ANKRD36: variants seen among roughly 807,000 people sequenced by gnomAD.
ANKRD36 encodes ankyrin repeat domain 36.
In ANKRD36, 179 loss-of-function variants were observed where a neutral mutation model predicts 278.1. That is an observed-to-expected ratio of 0.64 (90% CI 0.57 to 0.73). ANKRD36 has a LOEUF of 0.73. Among genes scored for constraint, ANKRD36 ranks in the 30% least tolerant of loss-of-function variants. The pLI is 0.00. For missense variants in ANKRD36, 1,159 were observed against 1,956.7 expected (o/e 0.59, Z 7.69); for synonymous variants, 320 against 641.1 (o/e 0.50, Z 7.57).
intron 16 of ANKRD36, 41 bp downstream of exon 16, chr2:97,158,208 T>C: frequency 7.2e-7 from 1 of 1,383,326 alleles, no homozygotes; most frequent in East Asian, 2.6e-5. Context: ...ATCTACTGAA[T>C]CTTTTTTTTT....
intron 20 of ANKRD36, among the ~76,000 whole-genome samples, chr2:97,165,100 T>G (rs1225918530): frequency 1.3e-5 from 2 of 152,206 alleles, no homozygotes; most frequent in African/African-American, 4.8e-5. Context: ...ACAGCCTGAA[T>G]TAACGTTTTT....
rs2034156198 is a variant in ANKRD36, at chr2:97,113,535, G to C, written c.-205G>C. On this transcript the variant is annotated 5_prime_UTR_variant, in exon 1 of 76. Transcript: ENST00000420699. The stretch of plus-strand genomic sequence containing the variant: ...TGCTAGGGCGGTTTCTCTGCCTCGG[G>C]CCTGTTGGGCAGGGCCGGCTAAGGT... The C allele has an allele frequency of 4.8e-6, 3 of 624,406 alleles. No homozygotes were observed. The highest frequency in any genetic ancestry group is 8.1e-6 in the Non-Finnish European group (3 of 368,592). 38.7% of individuals were successfully genotyped at this position (624,406 alleles called of 1,614,324 possible). A position where few individuals can be genotyped will look rare whatever the true frequency, so the allele number is the denominator to read the frequency against.
At chr2:97,150,541 C>T (rs374034388) in intron 12 of ANKRD36, among the ~76,000 whole-genome samples, 14 of 149,450 alleles carry the variant, frequency 9.4e-5, no homozygotes, top group East Asian at 4.0e-4. Context: ...CATGACATAT[C>T]TAATAATTAA....
intron 67 of ANKRD36, among the ~76,000 whole-genome samples, chr2:97,227,677 T>C (rs1384625769): frequency 4.6e-5 from 7 of 152,130 alleles, no homozygotes; most frequent in Non-Finnish European, 1.5e-5. Context: ...ATAGGAGTGG[T>C]GAGAGAGGGC....
chr2:97,144,820 G>A (rs553536822), intron 10 of ANKRD36, 108 bp downstream of exon 10: 88 of 1,384,516 alleles, frequency 6.4e-5, no homozygotes, highest in Admixed American at 2.2e-4. Flanking sequence ...CTGATTCAGC[G>A]GGCCTGAGAT....
At chr2:97,133,295 T>C (rs982046605) in intron 6 of ANKRD36, among the ~76,000 whole-genome samples, 1 of 152,016 alleles carries the variant, frequency 6.6e-6, no homozygotes, top group African/African-American at 2.4e-5. Context: ...CAGTTGCAAC[T>C]TAATATGAAA....
intron 20 of ANKRD36, among the ~76,000 whole-genome samples, chr2:97,165,273 C>T (rs1409082810): frequency 6.6e-6 from 1 of 151,978 alleles, no homozygotes; most frequent in Non-Finnish European, 1.5e-5. Flanking sequence ...GAATATATTT[C>T]AGATCTGTCC....
At chr2:97,151,060 T>G (rs2045833354) in intron 12 of ANKRD36, among the ~76,000 whole-genome samples, 2 of 152,086 alleles carry the variant, frequency 1.3e-5, no homozygotes, top group Non-Finnish European at 2.9e-5. Context: ...GCATATATTA[T>G]GAACACAAGC....
intron 22 of ANKRD36, among the ~76,000 whole-genome samples, chr2:97,172,648 A>G (rs1424259169): frequency 6.6e-6 from 1 of 152,118 alleles, no homozygotes; most frequent in Non-Finnish European, 1.5e-5. Flanking sequence ...GAAATGGCCA[A>G]TGGTCAAAGT....
chr2:97,157,216 T>A (rs1406670567), intron 15 of ANKRD36, among the ~76,000 whole-genome samples: 1 of 150,308 alleles, frequency 6.7e-6, no homozygotes, highest in Non-Finnish European at 1.5e-5. Flanking sequence ...ATGTGTTATT[T>A]TATAGTAAAC....
chr2:97,113,813 A>T lies in ANKRD36; in HGVS notation c.74A>T (p.Gln25Leu), dbSNP rs768782213. 3.1e-6 allele frequency: 5 copies of T among 1,613,002 alleles called. No individual in the cohort carries two copies. The highest frequency in any genetic ancestry group is 1.7e-6 in the Non-Finnish European group (2 of 1,179,994). Residue 25 changes from glutamine to leucine, a missense_variant, in exon 1 of 76, where the codon CAA becomes CTA. Gln to Leu is a moderately radical substitution (Grantham distance 113). Coordinates refer to ENST00000420699, the MANE Select transcript of ANKRD36 (RefSeq NM_001354587.1). ...TGCTCGGATGGCTTCGCATTTCCCC[A>T]ATACCCCATTAAACCGTATCATCTG... is the stretch of plus-strand genomic sequence containing the variant. ...RLCSDGFAFPQYPIKPYHLKR... is the reference protein window; with the variant it reads ...RLCSDGFAFPLYPIKPYHLKR...
At chr2:97,159,618 A>G (rs1208501196) in intron 17 of ANKRD36, among the ~76,000 whole-genome samples, 2 of 151,708 alleles carry the variant, frequency 1.3e-5, no homozygotes, top group Non-Finnish European at 2.9e-5. Flanking sequence ...TTTTAAAGTA[A>G]TATTTGGTAT....
chr2:97,207,754 A>G (rs2315146), intron 52 of ANKRD36, 57 bp from the exon 53 acceptor site: 20 of 1,542,248 alleles, frequency 1.3e-5, no homozygotes, highest in Middle Eastern at 2.3e-4. Context: ...GTATGAATGT[A>G]TGGATAATTT....
At chr2:97,143,453 G>A (rs2043431885) in intron 8 of ANKRD36, among the ~76,000 whole-genome samples, 1 of 152,248 alleles carries the variant, frequency 6.6e-6, no homozygotes, top group Admixed American at 6.5e-5. Context: ...AGGATAGATT[G>A]CTAGAATTGT....
intron 22 of ANKRD36, among the ~76,000 whole-genome samples, chr2:97,177,145 G>GTT (rs2054512009): frequency 1.3e-5 from 2 of 151,704 alleles, no homozygotes; most frequent in Admixed American, 1.3e-4. Context: ...TCTTCAAGGA[G>GTT]AACTACAAAC....
chr2:97,118,799 A>T, intron 3 of ANKRD36: 4 of 128,220 alleles, frequency 3.1e-5, no homozygotes, highest in Non-Finnish European at 4.3e-5. Context: ...GAAAGGTAAT[A>T]GTTAAGTGTT....
At position 97,179,000 on chromosome 2, in the gene ANKRD36, G is replaced by T. The variant is rs557576952; in HGVS notation, c.1634-738G>T. ...AGCTTATTCATATCTAATGCTTGTA[G>T]AAACTTTATTTTGTATAAGTATGTC... On this transcript the variant is annotated intron_variant, in intron 22 of 75. Coordinates refer to ENST00000420699, the MANE Select transcript of ANKRD36 (RefSeq NM_001354587.1). Among the ~76,000 whole-genome samples the T allele has an allele frequency of 2.0e-3, 298 of 151,638 alleles. 3 individuals are homozygous for T. Among genetic ancestry groups the T allele is most frequent in the Non-Finnish European group, 3.6e-3 (246 of 67,780 alleles).
At chr2:97,215,566 T>A (rs1391965226) in intron 62 of ANKRD36, 69 bp downstream of exon 62, 20 of 1,592,860 alleles carry the variant, frequency 1.3e-5, no homozygotes, top group African/African-American at 4.0e-5. Context: ...CCTAAATAAA[T>A]CAGCGGGGGG....
chr2:97,262,571 AAG>A (rs1182659597), intron 75 of ANKRD36, among the ~76,000 whole-genome samples: 1 of 130,320 alleles, frequency 7.7e-6, no homozygotes, highest in Non-Finnish European at 1.5e-5. Flanking sequence ...TAAAGACAAA[AAG>A]AGAGTGATAT....
Sources: gnomAD v4.1 joint callset for allele counts (sites outside exome capture counted in the v4.1 genomes callset) on GRCh38, gnomAD v4.1.1 for gene constraint, MANE v1.5 for transcripts, NCBI Gene and HGNC (gene_info 2026-07-23, HGNC 2026-07-21) for gene names.